The following KCNQ5 variants were observed in gnomAD, a reference collection of about 807,000 sequenced individuals.
The protein encoded by KCNQ5 is potassium voltage-gated channel subfamily KQT member 5.
In KCNQ5, 30 loss-of-function variants were observed where a neutral mutation model predicts 98.2. The observed-to-expected ratio is 0.31, with a 90% CI of 0.23 to 0.41. The LOEUF (loss-of-function observed/expected upper bound fraction) is 0.41. Ranked by LOEUF, KCNQ5 falls within the 10% of genes least tolerant of loss-of-function variation. KCNQ5 has a pLI of 1.00. For synonymous variants in KCNQ5, 458 were observed against 449.4 expected (o/e 1.02, Z -0.24); for missense variants, 835 against 1,182.5 (o/e 0.71, Z 4.31).
chr6:73,056,161 A>C (rs758959526), intron 3 of KCNQ5, among the ~76,000 whole-genome samples: 11 of 152,172 alleles, frequency 7.2e-5, no homozygotes, highest in Non-Finnish European at 1.3e-4. Flanking sequence ...ACTTGTGAGG[A>C]GGAGCCATGC....
chr6:72,806,457 AC>A (rs1774964337), intron 1 of KCNQ5, among the ~76,000 whole-genome samples: 1 of 152,146 alleles, frequency 6.6e-6, no homozygotes, highest in Admixed American at 6.6e-5. Context: ...AATCTAGAAG[AC>A]ATATTTCTTC....
chr6:72,639,044 C>G (rs187016919), intron 1 of KCNQ5, among the ~76,000 whole-genome samples: 91 of 152,264 alleles, frequency 6.0e-4, no homozygotes, highest in African/African-American at 2.2e-3. Flanking sequence ...AAAGAACAAG[C>G]ACAAGTAGAC....
chr6:72,743,332 AT>A (rs1303316541), intron 1 of KCNQ5, among the ~76,000 whole-genome samples: 1 of 151,684 alleles, frequency 6.6e-6, no homozygotes, highest in African/African-American at 2.4e-5. Context: ...TACATTATGT[AT>A]TTTAAATATT....
Position 73,001,247 on chromosome 6 carries a change from T to G in KCNQ5, c.399-2661T>G, listed in dbSNP as rs780482258. Among the ~76,000 whole-genome samples the G allele has an allele frequency of 1.6e-4, 25 of 152,338 alleles. No individual in the cohort carries two copies. The Middle Eastern group carries it at 0.017, about 104-fold the overall frequency. ...TTCTTAGCACTTATCTGCCTCTGCC[T>G]TTCATTCTGATCCAATGTGTTCACT... On this transcript the variant is annotated intron_variant, in intron 1 of 13. Transcript: ENST00000370398.
rs184055806 is a variant in KCNQ5, at chr6:73,166,565, A to G, written c.1469-3181A>G. Among the ~76,000 whole-genome samples the G allele has an allele frequency of 4.7e-3, 715 of 152,058 alleles. 8 individuals carry two copies. Among genetic ancestry groups the G allele is most frequent in the African/African-American group, 0.016 (646 of 41,488 alleles). On this transcript the variant is annotated intron_variant, in intron 10 of 13. Transcript: ENST00000370398. The stretch of plus-strand genomic sequence containing the variant: ...CATCATCATTATTGTCCTGGAGTAA[A>G]GAATTGGAAGCCATCAGGGAAAGTT...
chr6:72,950,138 A>C (rs960601769), intron 1 of KCNQ5, among the ~76,000 whole-genome samples: 2 of 152,224 alleles, frequency 1.3e-5, no homozygotes, highest in African/African-American at 4.8e-5. Flanking sequence ...AAAATCAAGA[A>C]TAGCTAAGAA....
In KCNQ5 at chr6:72,937,515, G is replaced by A. The variant is rs144230210; in HGVS notation, c.399-66393G>A. The stretch of plus-strand genomic sequence containing the variant: ...TATAATTTTGATCAAGTTAAAGTAT[G>A]TTTCAATAAAAAGTAATTTTCTTTT... On this transcript the variant is annotated intron_variant, in intron 1 of 13. Transcript: ENST00000370398. Among the ~76,000 whole-genome samples, 152 of 152,242 alleles carry A rather than the reference G, an allele frequency of 1.0e-3. 1 individual carries two copies. The highest frequency in any genetic ancestry group is 3.3e-3 in the African/African-American group (137 of 41,544).
At chr6:72,631,556 G>T (rs2098920802) in intron 1 of KCNQ5, among the ~76,000 whole-genome samples, 1 of 152,192 alleles carries the variant, frequency 6.6e-6, no homozygotes, top group Non-Finnish European at 1.5e-5. Context: ...GTAAGATAAA[G>T]ATCCATCAGA....
At chr6:72,725,276 C>CTTAAAA (rs1318246891) in intron 1 of KCNQ5, among the ~76,000 whole-genome samples, 2 of 152,048 alleles carry the variant, frequency 1.3e-5, no homozygotes, top group Non-Finnish European at 1.5e-5. Context: ...TCTGTAAACT[C>CTTAAAA]TTAATTTCTT....
At chr6:72,692,169 C>G (rs914030281) in intron 1 of KCNQ5, among the ~76,000 whole-genome samples, 1 of 152,240 alleles carries the variant, frequency 6.6e-6, no homozygotes, top group Admixed American at 6.5e-5. Context: ...TTATGAGCAT[C>G]TGCTCGATGC....
At chr6:72,956,456 T>C (rs372271302) in intron 1 of KCNQ5, among the ~76,000 whole-genome samples, 8 of 151,656 alleles carry the variant, frequency 5.3e-5, no homozygotes, top group African/African-American at 1.9e-4. Flanking sequence ...AAGATTTAAA[T>C]TGGTTTTGTT....
intron 1 of KCNQ5, among the ~76,000 whole-genome samples, chr6:72,709,436 C>T (rs1010816869): frequency 2.0e-5 from 3 of 152,136 alleles, no homozygotes; most frequent in Non-Finnish European, 4.4e-5. Context: ...TCTCTTTTCT[C>T]CTGTAATTTA....
chr6:73,089,116 A>G (rs1774121410), intron 5 of KCNQ5, among the ~76,000 whole-genome samples: 1 of 152,214 alleles, frequency 6.6e-6, no homozygotes, highest in Non-Finnish European at 1.5e-5. Flanking sequence ...TTCAGTAAAT[A>G]TATATTGAGT....
chr6:72,812,507 CA>C (rs1775292514), intron 1 of KCNQ5, among the ~76,000 whole-genome samples: 1 of 152,146 alleles, frequency 6.6e-6, no homozygotes, highest in African/African-American at 2.4e-5. Flanking sequence ...GATTTAATGG[CA>C]AAACCTCTGT....
intron 1 of KCNQ5, among the ~76,000 whole-genome samples, chr6:72,636,093 A>T (rs1038094659): frequency 9.2e-5 from 14 of 152,108 alleles, no homozygotes; most frequent in Admixed American, 4.6e-4. Flanking sequence ...TCTGTTTTGG[A>T]AGTTGACTAC....
intron 3 of KCNQ5, among the ~76,000 whole-genome samples, chr6:73,056,136 C>T (rs1210228725): frequency 1.3e-5 from 2 of 152,138 alleles, no homozygotes; most frequent in Non-Finnish European, 2.9e-5. Flanking sequence ...TTTGCAAGTG[C>T]TTTGTTTACT....
chr6:73,159,851 A>C (rs1253234298), intron 10 of KCNQ5, among the ~76,000 whole-genome samples: 1 of 152,100 alleles, frequency 6.6e-6, no homozygotes, highest in Non-Finnish European at 1.5e-5. Context: ...TGGCATTGTA[A>C]TTTAGTTATT....
At chr6:73,147,725 A>G (rs1776980921) in intron 10 of KCNQ5, among the ~76,000 whole-genome samples, 1 of 152,226 alleles carries the variant, frequency 6.6e-6, no homozygotes, top group South Asian at 2.1e-4. Context: ...ATGGTTTACT[A>G]TTTAATTATT....
intron 6 of KCNQ5, among the ~76,000 whole-genome samples, chr6:73,111,092 G>A (rs951556564): frequency 6.6e-6 from 1 of 152,178 alleles, no homozygotes; most frequent in Non-Finnish European, 1.5e-5. Context: ...CTAAAGAACA[G>A]AAGTTGTATC....
Sources: allele counts gnomAD v4.1 joint callset (sites outside exome capture counted in the v4.1 genomes callset), GRCh38; gene constraint gnomAD v4.1.1; transcripts MANE v1.5; gene names NCBI Gene and HGNC (gene_info 2026-07-23, HGNC 2026-07-21).